The following DCLK1 variants were observed in gnomAD, a reference collection of about 807,000 sequenced individuals.
The protein encoded by DCLK1 is serine/threonine-protein kinase DCLK1.
A neutral mutation model predicts 86.2 loss-of-function variants in DCLK1; 16 were observed. That is an observed-to-expected ratio of 0.19 (90% confidence interval 0.13 to 0.28). The LOEUF (loss-of-function observed/expected upper bound fraction) is 0.28, where lower values mean the gene tolerates loss of function less well. Among genes scored for constraint, DCLK1 ranks in the 10% least tolerant of loss-of-function variants. The probability of loss-of-function intolerance (pLI) is 1.00; values close to 1 mark genes in which losing one functional copy is unlikely to be tolerated. For missense variants in DCLK1, 590 were observed against 940.2 expected, an observed-to-expected ratio of 0.63 and a Z score of 4.87; for synonymous variants, 369 against 370.5, an observed-to-expected ratio of 1.00 and a Z score of 0.05.
In DCLK1 at chr13:35,776,183, A is replaced by G. The variant is rs1211964321; in HGVS notation, c.2059-1484T>C. On this transcript the variant is annotated intron_variant, in intron 16 of 16. Coordinates refer to ENST00000360631, the MANE Select transcript of DCLK1 (RefSeq NM_001330071.2). The stretch of plus-strand genomic sequence containing the variant: ...TCTTAGTCTTAAACCTATTGATTTT[A>G]TGATATTTTCAGTATCATAAACCCA... 2.0e-5 allele frequency among the ~76,000 whole-genome samples: 3 copies of G among 152,338 alleles called. No individual in the cohort carries two copies. In the East Asian group the frequency reaches 5.8e-4, roughly 29 times the overall value.
chr13:35,920,782 A>T (rs1020174617), intron 4 of DCLK1, among the ~76,000 whole-genome samples: 1 of 152,106 alleles, frequency 6.6e-6, no homozygotes, highest in African/African-American at 2.4e-5. Flanking sequence ...TCTAAGCAGC[A>T]TCCCCCATAC....
chr13:35,806,122 A>T (rs1243860843), intron 14 of DCLK1, among the ~76,000 whole-genome samples: 1 of 152,224 alleles, frequency 6.6e-6, no homozygotes, highest in Non-Finnish European at 1.5e-5. Flanking sequence ...TTTATTAATT[A>T]GTTTAATATA....
chr13:35,997,555 G>A (rs550470237), intron 3 of DCLK1, among the ~76,000 whole-genome samples: 12 of 152,262 alleles, frequency 7.9e-5, no homozygotes, highest in East Asian at 3.9e-4. Context: ...TTTTAATACC[G>A]ATGATCATGA....
chr13:35,957,866 C>T (rs1200189211), intron 3 of DCLK1, among the ~76,000 whole-genome samples: 1 of 86,586 alleles, frequency 1.2e-5, no homozygotes, highest in Non-Finnish European at 2.8e-5. Context: ...CAAACAACAA[C>T]AATCCCACAA....
chr13:35,845,229 C>G (rs758364655), intron 6 of DCLK1, among the ~76,000 whole-genome samples: 1 of 152,164 alleles, frequency 6.6e-6, no homozygotes, highest in Non-Finnish European at 1.5e-5. Context: ...GCCTCGGCAA[C>G]AGAGCAAGAC....
intron 3 of DCLK1, among the ~76,000 whole-genome samples, chr13:36,035,196 G>C (rs1434026170): frequency 6.6e-6 from 1 of 152,008 alleles, no homozygotes; most frequent in East Asian, 1.9e-4. Context: ...CTTGCTCCCT[G>C]TCCATCTTCT....
chr13:36,029,223 A>G lies in DCLK1; in HGVS notation c.724-81766T>C, dbSNP rs560309303. Reference sequence around the variant, plus strand: ...TCTTTCTTCAGTCCTCAGCTCAGGAATCACTTCCCTGACCTCCCTGGTCAG... The same window carrying G: ...TCTTTCTTCAGTCCTCAGCTCAGGAGTCACTTCCCTGACCTCCCTGGTCAG... On this transcript the variant is annotated intron_variant, in intron 3 of 16. Coordinates refer to ENST00000360631, the MANE Select transcript of DCLK1 (RefSeq NM_001330071.2). Among the ~76,000 whole-genome samples, 70 of 152,250 alleles carry G rather than the reference A, an allele frequency of 4.6e-4. 1 individual carries two copies. The South Asian group carries it at 6.8e-3, about 15-fold the overall frequency.
intron 4 of DCLK1, among the ~76,000 whole-genome samples, chr13:35,928,676 T>C (rs1173098575): frequency 6.6e-6 from 1 of 152,226 alleles, no homozygotes; most frequent in Non-Finnish European, 1.5e-5. Flanking sequence ...CACTGTGATA[T>C]GCCTAGTGCT....
chr13:35,916,236 C>A (rs1158833061), intron 4 of DCLK1, among the ~76,000 whole-genome samples: 2 of 152,190 alleles, frequency 1.3e-5, no homozygotes, highest in Non-Finnish European at 2.9e-5. Flanking sequence ...CATTTGAACA[C>A]AGAAACTGAT....
intron 3 of DCLK1, among the ~76,000 whole-genome samples, chr13:36,110,827 A>ATT (rs869131031): frequency 0.022 from 2,696 of 120,088 alleles, 76 homozygotes; most frequent in Middle Eastern, 0.065. Context: ...CATATAATCA[A>ATT]TTTTTTTTTT....
chr13:36,013,877 G>A lies in DCLK1; in HGVS notation c.724-66420C>T, dbSNP rs568272907. Among the ~76,000 whole-genome samples the A allele has an allele frequency of 3.9e-5, 6 of 152,322 alleles. No individual in the cohort carries two copies. In the East Asian group the frequency reaches 5.8e-4, roughly 15 times the overall value. ...TCAGACTGCTGTGCTAGCAATCAGC[G>A]AGATTCCGTGGGCTTAGGACCCTCC... On this transcript the variant is annotated intron_variant, in intron 3 of 16. Transcript: ENST00000360631.
chr13:35,943,110 G>A (rs1397636400), intron 4 of DCLK1, among the ~76,000 whole-genome samples: 2 of 152,150 alleles, frequency 1.3e-5, no homozygotes, highest in Non-Finnish European at 2.9e-5. Flanking sequence ...CTAAGATGAG[G>A]TCATACTGAA....
rs2153098750 is a variant in DCLK1 at position 35,787,793 on chromosome 13, A to G, written c.2058+5573T>C. The G allele has an allele frequency of 7.8e-6, 2 of 256,438 alleles. 1 individual carries two copies. Among genetic ancestry groups the G allele is most frequent in the South Asian group, 9.2e-5 (2 of 21,756 alleles). The allele number at this position is 256,438 out of a possible 1,614,324, so 15.9% of individuals were successfully genotyped here. ...CATTGTTATCCATCTAATCAGGTCA[A>G]GGTTGGGCTTGATGACTTTAAAATG... On this transcript the variant is annotated intron_variant, in intron 16 of 16. Coordinates refer to ENST00000360631, the MANE Select transcript of DCLK1 (RefSeq NM_001330071.2).
At chr13:35,784,103 T>C (rs1427802526) in intron 16 of DCLK1, among the ~76,000 whole-genome samples, 1 of 152,102 alleles carries the variant, frequency 6.6e-6, no homozygotes, top group African/African-American at 2.4e-5. Flanking sequence ...ATGGCAGGAA[T>C]GAATATGTAG....
intron 3 of DCLK1, among the ~76,000 whole-genome samples, chr13:36,092,063 G>A (rs1419994420): frequency 6.6e-6 from 1 of 152,038 alleles, no homozygotes; most frequent in Admixed American, 6.6e-5. Context: ...TAATTACTTA[G>A]CAGCACGTGA....
chr13:35,869,830 T>C lies in DCLK1; in HGVS notation c.940+1394A>G, dbSNP rs534813651. Among the ~76,000 whole-genome samples, 112 of 152,214 alleles carry C rather than the reference T, an allele frequency of 7.4e-4. 1 individual carries two copies. Among genetic ancestry groups the C allele is most frequent in the Admixed American group, 6.3e-3 (97 of 15,282 alleles). ...TGAGAACCACTGCCCTCACCTACTG[T>C]TTCTCAAAATGTGGACCACAGACTA... On this transcript the variant is annotated intron_variant, in intron 5 of 16. Transcript: ENST00000360631.
At chr13:35,917,104 T>C (rs1307249761) in intron 4 of DCLK1, among the ~76,000 whole-genome samples, 1 of 152,142 alleles carries the variant, frequency 6.6e-6, no homozygotes, top group East Asian at 1.9e-4. Flanking sequence ...TTTTGCCCTA[T>C]CACATTTCTC....
intron 3 of DCLK1, among the ~76,000 whole-genome samples, chr13:35,973,955 G>A (rs1489589785): frequency 6.6e-6 from 1 of 152,128 alleles, no homozygotes; most frequent in Non-Finnish European, 1.5e-5. Context: ...TGGGGCAAAG[G>A]AGAGGGAAGA....
chr13:36,049,781 G>A (rs1162578101), intron 3 of DCLK1, among the ~76,000 whole-genome samples: 1 of 152,032 alleles, frequency 6.6e-6, no homozygotes, highest in Non-Finnish European at 1.5e-5. Flanking sequence ...ATTGGCTATG[G>A]AAAGAGAGCA....
Sources: gnomAD v4.1 joint callset for allele counts (sites outside exome capture counted in the v4.1 genomes callset) on GRCh38, gnomAD v4.1.1 for gene constraint, MANE v1.5 for transcripts, NCBI Gene and HGNC (gene_info 2026-07-23, HGNC 2026-07-21) for gene names.